Variants in TMED10 observed in about 807,000 individuals in gnomAD.
TMED10 encodes the protein transmembrane emp24 domain-containing protein 10.
In TMED10, 7 loss-of-function variants were observed where a neutral mutation model predicts 23.1. The ratio of observed to expected loss-of-function variants is 0.30; its 90% CI spans 0.17 to 0.57. The LOEUF is 0.57. TMED10 is among the 20% of genes least tolerant of loss of function. The pLI is 0.91. For missense variants in TMED10, 162 were observed against 274.8 expected (o/e 0.59, Z 2.90); for synonymous variants, 113 against 106.9 (o/e 1.06, Z -0.35).
At chr14:75,142,025 G>A (rs2268617) in intron 3 of TMED10, among the ~76,000 whole-genome samples, 65,896 of 152,074 alleles carry the variant, frequency 0.43, 15,964 homozygotes, top group East Asian at 0.84. Context: ...ACTTTCTGTT[G>A]TTCTGCTCTT....
At chr14:75,151,664 C>G (rs968449656) in intron 2 of TMED10, among the ~76,000 whole-genome samples, 4 of 152,232 alleles carry the variant, frequency 2.6e-5, no homozygotes, top group African/African-American at 9.6e-5. Flanking sequence ...GTGGTACATT[C>G]ATTACAAATG....
At chr14:75,176,051 T>A in intron 1 of TMED10, 1 of 430,320 alleles carries the variant, frequency 2.3e-6, no homozygotes, top group South Asian at 2.5e-5. Flanking sequence ...GAGAACCAAA[T>A]TACGGTTCAA....
intron 1 of TMED10, among the ~76,000 whole-genome samples, chr14:75,166,118 A>G (rs1043362808): frequency 4.6e-5 from 7 of 152,162 alleles, no homozygotes; most frequent in African/African-American, 1.4e-4. Flanking sequence ...ACTGTTCCAA[A>G]GTTATTTACG....
At chr14:75,157,075 T>G (rs76185341) in intron 1 of TMED10, among the ~76,000 whole-genome samples, 1,975 of 152,266 alleles carry the variant, frequency 0.013, 48 homozygotes, top group African/African-American at 0.046. Context: ...GAATGACTGC[T>G]GGGTAGCACT....
At chr14:75,137,593 T>G (rs1439619657) in intron 3 of TMED10, among the ~76,000 whole-genome samples, 1 of 148,374 alleles carries the variant, frequency 6.7e-6, no homozygotes, top group Non-Finnish European at 1.5e-5. Flanking sequence ...GAGAATGGCG[T>G]GAACCCAGGA....
At chr14:75,153,567 A>T (rs528947723) in intron 1 of TMED10, among the ~76,000 whole-genome samples, 1 of 152,356 alleles carries the variant, frequency 6.6e-6, no homozygotes, top group Non-Finnish European at 1.5e-5. Context: ...TCATCACTTA[A>T]GACTGGAAGC....
intron 1 of TMED10, among the ~76,000 whole-genome samples, chr14:75,170,782 CA>C (rs1896224029): frequency 1.3e-5 from 2 of 152,164 alleles, no homozygotes; most frequent in Non-Finnish European, 2.9e-5. Context: ...TTAGGATAAT[CA>C]GATGATATTA....
chr14:75,172,311 CTT>C (rs571301119), intron 1 of TMED10, among the ~76,000 whole-genome samples: 11 of 143,194 alleles, frequency 7.7e-5, no homozygotes, highest in Admixed American at 1.4e-4. Context: ...AATCATTGTT[CTT>C]TTTTTTTTTT....
At chr14:75,164,665 C>T (rs1385996517) in intron 1 of TMED10, among the ~76,000 whole-genome samples, 3 of 143,076 alleles carry the variant, frequency 2.1e-5, no homozygotes, top group Admixed American at 7.4e-5. Context: ...TCAGGCAATC[C>T]GCCTGCCTCA....
At chr14:75,162,028 G>A (rs921468928) in intron 1 of TMED10, among the ~76,000 whole-genome samples, 4 of 151,760 alleles carry the variant, frequency 2.6e-5, no homozygotes, top group Admixed American at 6.6e-5. Context: ...GGTCCGGGGC[G>A]GGGTGGGGGG....
At chr14:75,160,327 A>C (rs1896071053) in intron 1 of TMED10, among the ~76,000 whole-genome samples, 1 of 152,252 alleles carries the variant, frequency 6.6e-6, no homozygotes, top group Non-Finnish European at 1.5e-5. Context: ...AGCTAAAATT[A>C]GGGAATAGGA....
At chr14:75,173,618 G>A (rs533547372) in intron 1 of TMED10, among the ~76,000 whole-genome samples, 1 of 152,142 alleles carries the variant, frequency 6.6e-6, no homozygotes, top group Non-Finnish European at 1.5e-5. Flanking sequence ...TAGGACCCTT[G>A]TGGTTCCATT....
At chr14:75,149,155 G>A (rs1016775117) in intron 2 of TMED10, among the ~76,000 whole-genome samples, 22 of 152,186 alleles carry the variant, frequency 1.4e-4, no homozygotes, top group African/African-American at 4.8e-4. Context: ...GGGCTCAAGC[G>A]ATCCTCCTGC....
At chr14:75,156,083 T>C (rs751494393) in intron 1 of TMED10, among the ~76,000 whole-genome samples, 2 of 151,914 alleles carry the variant, frequency 1.3e-5, no homozygotes, top group Non-Finnish European at 2.9e-5. Flanking sequence ...GGAAGGGCAA[T>C]AAGGAATTTG....
At chr14:75,150,567 T>A (rs1895943285) in intron 2 of TMED10, among the ~76,000 whole-genome samples, 1 of 152,214 alleles carries the variant, frequency 6.6e-6, no homozygotes, top group African/African-American at 2.4e-5. Context: ...ATCTTTTCTA[T>A]GTTTAGATAC....
At chr14:75,138,709 C>G (rs185627599) in intron 3 of TMED10, among the ~76,000 whole-genome samples, 1 of 150,634 alleles carries the variant, frequency 6.6e-6, no homozygotes, top group African/African-American at 2.4e-5. Context: ...TAGAAACTTG[C>G]AAAAGAAACT....
intron 3 of TMED10, among the ~76,000 whole-genome samples, chr14:75,143,000 A>C (rs1179132468): frequency 6.6e-6 from 1 of 152,124 alleles, no homozygotes; most frequent in Admixed American, 6.5e-5. Flanking sequence ...CTGGGATTAC[A>C]GGCGCCTGCC....
intron 1 of TMED10, among the ~76,000 whole-genome samples, chr14:75,169,437 C>T (rs762212828): frequency 7.9e-5 from 12 of 152,024 alleles, no homozygotes; most frequent in Non-Finnish European, 1.5e-4. Context: ...ACGGGCGGAT[C>T]ACCTGAGGTC....
chr14:75,151,983 T>C, intron 2 of TMED10, 49 bp downstream of exon 2: 3 of 1,480,068 alleles, frequency 2.0e-6, no homozygotes, highest in Admixed American at 1.7e-5. Flanking sequence ...TAAGGAGCAT[T>C]AGAGTTGGAG....
Sources: allele counts gnomAD v4.1 joint callset (sites outside exome capture counted in the v4.1 genomes callset), GRCh38; gene constraint gnomAD v4.1.1; transcripts MANE v1.5; gene names NCBI Gene and HGNC (gene_info 2026-07-23, HGNC 2026-07-21).